The following GRIK2 variants were observed in gnomAD, a reference collection of about 807,000 sequenced individuals.
The protein encoded by GRIK2 is glutamate receptor ionotropic, kainate 2.
Under a neutral mutation model 100.3 loss-of-function variants are expected in GRIK2, and 32 were observed. The observed-to-expected ratio is 0.32, with a 90% CI of 0.24 to 0.43. The LOEUF is 0.43. GRIK2 is among the 20% of genes least tolerant of loss of function. The pLI is 1.00. For missense variants in GRIK2, 843 were observed against 1,114.9 expected, an observed-to-expected ratio of 0.76 and a Z score of 3.47; for synonymous variants, 417 against 389.4, an observed-to-expected ratio of 1.07 and a Z score of -0.83.
At chr6:102,048,282 A>G (rs1449859237) in intron 15 of GRIK2, among the ~76,000 whole-genome samples, 1 of 152,034 alleles carries the variant, frequency 6.6e-6, no homozygotes, top group Non-Finnish European at 1.5e-5. Flanking sequence ...GGCAAAAACT[A>G]TACAACATTG....
At chr6:101,693,851 G>A (rs1299410435) in intron 7 of GRIK2, among the ~76,000 whole-genome samples, 1 of 151,946 alleles carries the variant, frequency 6.6e-6, no homozygotes, top group Admixed American at 6.6e-5. Context: ...ATATGTATAT[G>A]TATATGATCC....
At chr6:101,535,194 T>A (rs1365255517) in intron 2 of GRIK2, among the ~76,000 whole-genome samples, 1 of 151,726 alleles carries the variant, frequency 6.6e-6, no homozygotes, top group African/African-American at 2.4e-5. Flanking sequence ...TAAAATGGTG[T>A]GTCAGAGGGG....
chr6:101,402,543 A>G (rs779771098), intron 2 of GRIK2, among the ~76,000 whole-genome samples: 2 of 152,150 alleles, frequency 1.3e-5, no homozygotes, highest in Non-Finnish European at 2.9e-5. Context: ...TATGGCAGCG[A>G]CCTGAGGGTC....
At chr6:101,524,283 TAAAC>T (rs1337025852) in intron 2 of GRIK2, among the ~76,000 whole-genome samples, 3 of 152,142 alleles carry the variant, frequency 2.0e-5, no homozygotes, top group Non-Finnish European at 4.4e-5. Context: ...GAGTAAGAAA[TAAAC>T]CACTTTTGCC....
chr6:102,008,020 A>AAGTT (rs1795332367), intron 14 of GRIK2, among the ~76,000 whole-genome samples: 1 of 152,062 alleles, frequency 6.6e-6, no homozygotes, highest in African/African-American at 2.4e-5. Flanking sequence ...AGAAAATCAA[A>AAGTT]AGTTAGAAGG....
intron 15 of GRIK2, among the ~76,000 whole-genome samples, chr6:102,046,665 T>C (rs1318618327): frequency 6.6e-6 from 1 of 152,166 alleles, no homozygotes; most frequent in African/African-American, 2.4e-5. Context: ...CAAGTGGTTC[T>C]TTATAGCAGT....
chr6:101,652,429 C>T (rs1340302972), intron 4 of GRIK2, among the ~76,000 whole-genome samples: 1 of 152,128 alleles, frequency 6.6e-6, no homozygotes, highest in Non-Finnish European at 1.5e-5. Flanking sequence ...CTTTCAGCCT[C>T]TAGAACTGTA....
At chr6:101,791,720 G>A (rs1178446377) in intron 7 of GRIK2, among the ~76,000 whole-genome samples, 1 of 152,062 alleles carries the variant, frequency 6.6e-6, no homozygotes, top group Non-Finnish European at 1.5e-5. Flanking sequence ...ATGGCTATTA[G>A]GTCCGCTTGG....
chr6:101,797,035 C>T lies in GRIK2; in HGVS notation c.952-2613C>T, dbSNP rs187540517. Among the ~76,000 whole-genome samples, 14 of 152,140 alleles carry T rather than the reference C, an allele frequency of 9.2e-5. 1 individual carries two copies. The highest frequency in any genetic ancestry group is 8.5e-4 in the Admixed American group (13 of 15,282). On this transcript the variant is annotated intron_variant, in intron 7 of 16. Transcript: ENST00000369134. ...ATTGTCATATTAAATAAGGTTACTA[C>T]TCTAGGATTTTTATGTATGTCCTGT...
At chr6:101,864,073 C>T (rs1310487608) in intron 11 of GRIK2, among the ~76,000 whole-genome samples, 2 of 148,142 alleles carry the variant, frequency 1.4e-5, no homozygotes, top group Admixed American at 1.4e-4. Context: ...GGAAGCGGAG[C>T]TTGCAGTGAG....
intron 2 of GRIK2, among the ~76,000 whole-genome samples, chr6:101,588,706 GA>G (rs1183621922): frequency 6.6e-6 from 1 of 150,938 alleles, no homozygotes; most frequent in Non-Finnish European, 1.5e-5. Context: ...AAGAAGAAAA[GA>G]AAAAAAGTGA....
intron 9 of GRIK2, among the ~76,000 whole-genome samples, chr6:101,815,832 T>A (rs934350626): frequency 6.6e-6 from 1 of 152,152 alleles, no homozygotes; most frequent in Non-Finnish European, 1.5e-5. Context: ...TGACTTAAAA[T>A]ATTAAAGCCA....
chr6:101,829,205 A>G (rs1339124969), intron 10 of GRIK2, among the ~76,000 whole-genome samples: 2 of 152,024 alleles, frequency 1.3e-5, no homozygotes, highest in Non-Finnish European at 2.9e-5. Flanking sequence ...AATAAAATAC[A>G]ACATCATTTC....
chr6:101,517,765 G>A (rs964494997), intron 2 of GRIK2, among the ~76,000 whole-genome samples: 9 of 152,130 alleles, frequency 5.9e-5, no homozygotes, highest in South Asian at 4.1e-4. Context: ...CTTCTACAGT[G>A]GTGTGCAACA....
At chr6:101,970,867 C>A (rs1793006100) in intron 14 of GRIK2, among the ~76,000 whole-genome samples, 1 of 150,742 alleles carries the variant, frequency 6.6e-6, no homozygotes, top group South Asian at 2.1e-4. Context: ...ACAAATTTTG[C>A]AGAAGTGAAG....
intron 4 of GRIK2, among the ~76,000 whole-genome samples, chr6:101,646,860 A>G (rs1173049940): frequency 3.3e-5 from 5 of 151,930 alleles, no homozygotes; most frequent in African/African-American, 1.2e-4. Flanking sequence ...CAGAGTTTGG[A>G]GAGGAAATTA....
intron 12 of GRIK2, among the ~76,000 whole-genome samples, chr6:101,894,781 T>G (rs1375329267): frequency 1.4e-5 from 2 of 145,612 alleles, no homozygotes; most frequent in Non-Finnish European, 3.0e-5. Flanking sequence ...ATATGTTAGG[T>G]TTTTTTTCCT....
At chr6:101,529,967 A>G (rs771046789) in intron 2 of GRIK2, among the ~76,000 whole-genome samples, 10 of 152,054 alleles carry the variant, frequency 6.6e-5, no homozygotes, top group Admixed American at 1.3e-4. Flanking sequence ...AAAATTAGAG[A>G]GACATTAAAA....
intron 15 of GRIK2, among the ~76,000 whole-genome samples, chr6:102,050,512 C>T (rs549622065): frequency 6.6e-6 from 1 of 151,576 alleles, no homozygotes; most frequent in East Asian, 1.9e-4. Context: ...ATTAGCTGGG[C>T]GTAGGGTGCC....
Sources: gnomAD v4.1 joint callset for allele counts (sites outside exome capture counted in the v4.1 genomes callset) on GRCh38, gnomAD v4.1.1 for gene constraint, MANE v1.5 for transcripts, NCBI Gene and HGNC (gene_info 2026-07-23, HGNC 2026-07-21) for gene names.